The following PDE7B variants were observed in gnomAD, a reference collection of about 807,000 sequenced individuals.
PDE7B encodes the protein 3',5'-cyclic-AMP phosphodiesterase 7B.
In PDE7B, 29 loss-of-function variants were observed where a neutral mutation model predicts 56.2. That is an observed-to-expected ratio of 0.52 (90% CI 0.38 to 0.70). The LOEUF is 0.70. Ranked by LOEUF, PDE7B falls within the 30% of genes least tolerant of loss-of-function variation. The probability of loss-of-function intolerance (pLI) is 0.00; values close to 1 mark genes in which losing one functional copy is unlikely to be tolerated. For missense variants in PDE7B, 490 were observed against 565.0 expected (o/e 0.87, Z 1.35); for synonymous variants, 197 against 196.9 (o/e 1.00, Z 0.00).
intron 3 of PDE7B, among the ~76,000 whole-genome samples, chr6:136,138,477 C>A (rs1047225914): frequency 6.6e-6 from 1 of 152,008 alleles, no homozygotes; most frequent in African/African-American, 2.4e-5. Flanking sequence ...CCCTAAATAA[C>A]ACTCGATAAG....
At chr6:136,187,165 C>A (rs1779157650) in intron 12 of PDE7B, 49 bp downstream of exon 12, 1 of 906,726 alleles carries the variant, frequency 1.1e-6, no homozygotes, top group Non-Finnish European at 1.8e-6. Flanking sequence ...TGGCACATCT[C>A]ACAAAAGTGA....
At chr6:135,907,758 A>G (rs1776141913) in intron 1 of PDE7B, among the ~76,000 whole-genome samples, 1 of 152,192 alleles carries the variant, frequency 6.6e-6, no homozygotes, top group South Asian at 2.1e-4. Context: ...AGATAAAATT[A>G]TAAAACTTAT....
chr6:135,984,343 T>C (rs1775344064), intron 2 of PDE7B, among the ~76,000 whole-genome samples: 1 of 152,196 alleles, frequency 6.6e-6, no homozygotes, highest in Non-Finnish European at 1.5e-5. Flanking sequence ...ATTCAGGCAA[T>C]AGCATGCATC....
intron 1 of PDE7B, among the ~76,000 whole-genome samples, chr6:135,922,090 A>G (rs772792710): frequency 4.6e-5 from 7 of 152,144 alleles, no homozygotes; most frequent in Non-Finnish European, 8.8e-5. Flanking sequence ...CATAAGGTCA[A>G]TCTTGCATCC....
chr6:135,974,271 ATC>A (rs1011224998), intron 2 of PDE7B, among the ~76,000 whole-genome samples: 1 of 151,710 alleles, frequency 6.6e-6, no homozygotes, highest in Non-Finnish European at 1.5e-5. Flanking sequence ...AATTAACCAA[ATC>A]TCTCTGTGTG....
chr6:135,931,071 C>A (rs1774284109), intron 1 of PDE7B, among the ~76,000 whole-genome samples: 1 of 152,160 alleles, frequency 6.6e-6, no homozygotes. Context: ...AGGTTTTCCA[C>A]TTTAAAGGTC....
At chr6:136,190,790 TC>T (rs1248838698) in intron 12 of PDE7B, among the ~76,000 whole-genome samples, 1 of 152,214 alleles carries the variant, frequency 6.6e-6, no homozygotes, top group Admixed American at 6.5e-5. Context: ...AGCTGGACTT[TC>T]ATACAGGTAA....
Position 136,166,587 on chromosome 6 carries a change from C to A in PDE7B, c.712-7210C>A, listed in dbSNP as rs569194433. 2.6e-5 allele frequency among the ~76,000 whole-genome samples: 4 copies of A among 152,088 alleles called. No individual in the cohort carries two copies. In the South Asian group the frequency reaches 8.3e-4, roughly 32 times the overall value. On this transcript the variant is annotated intron_variant, in intron 8 of 12. Coordinates refer to ENST00000308191, the MANE Select transcript of PDE7B (RefSeq NM_018945.4). ...GAGAGAGAGTGAGGGCAAGGTGCTA[C>A]ACACTTTTAAACAAGCAGATCTCAT...
At chr6:136,040,448 C>A (rs1166809820) in intron 2 of PDE7B, among the ~76,000 whole-genome samples, 1 of 152,208 alleles carries the variant, frequency 6.6e-6, no homozygotes, top group African/African-American at 2.4e-5. Context: ...CTCTTACCTT[C>A]TTCCTTACTC....
In PDE7B at chr6:135,925,168, A is replaced by G. The variant is rs111981154; in HGVS notation, c.22-22296A>G. 4.6e-3 allele frequency among the ~76,000 whole-genome samples: 700 copies of G among 152,264 alleles called. 7 individuals carry two copies. The highest frequency in any genetic ancestry group is 0.015 in the African/African-American group (619 of 41,546). Reference sequence around the variant, plus strand: ...AGAAAATTTAATATTTAAAAAATAAATCATTAAAAATACCCAACAAACATT... The same window carrying G: ...AGAAAATTTAATATTTAAAAAATAAGTCATTAAAAATACCCAACAAACATT... On this transcript the variant is annotated intron_variant, in intron 1 of 12. Coordinates refer to ENST00000308191, the MANE Select transcript of PDE7B (RefSeq NM_018945.4).
At chr6:136,075,368 A>G (rs1047661612) in intron 2 of PDE7B, among the ~76,000 whole-genome samples, 4 of 152,214 alleles carry the variant, frequency 2.6e-5, no homozygotes, top group African/African-American at 9.6e-5. Context: ...AAAAAGGAAA[A>G]CATGCTGAAC....
At chr6:136,011,756 C>T (rs184362483) in intron 2 of PDE7B, among the ~76,000 whole-genome samples, 4 of 152,218 alleles carry the variant, frequency 2.6e-5, no homozygotes, top group East Asian at 3.9e-4. Flanking sequence ...AGAGCCTCAT[C>T]GCTGACATTC....
chr6:136,080,489 C>T (rs2128215031), intron 2 of PDE7B, among the ~76,000 whole-genome samples: 1 of 152,296 alleles, frequency 6.6e-6, no homozygotes, highest in East Asian at 1.9e-4. Context: ...AAACTAACAG[C>T]ATGAGAAGAG....
chr6:135,917,615 A>ATTG lies in PDE7B; in HGVS notation c.22-29837_22-29835dup, dbSNP rs576764969. Among the ~76,000 whole-genome samples, 18 of 149,396 alleles carry ATTG rather than the reference A, an allele frequency of 1.2e-4. No homozygotes were observed. The South Asian group carries it at 3.0e-3, about 25-fold the overall frequency. On this transcript the variant is annotated intron_variant, in intron 1 of 12. Coordinates refer to ENST00000308191, the MANE Select transcript of PDE7B (RefSeq NM_018945.4). ...ATTGATTTGTTGTTGTTTTTTTTTT[A>ATTG]TTGTTGTTGTTGTTAGTTAAATTTT...
At chr6:136,048,847 A>G (rs765267925) in intron 2 of PDE7B, among the ~76,000 whole-genome samples, 12 of 152,168 alleles carry the variant, frequency 7.9e-5, no homozygotes, top group Non-Finnish European at 1.8e-4. Context: ...CAACTTACAA[A>G]CCAAATTTCC....
intron 2 of PDE7B, among the ~76,000 whole-genome samples, chr6:136,028,608 C>T (rs1776190480): frequency 1.3e-5 from 2 of 152,158 alleles, no homozygotes; most frequent in Admixed American, 1.3e-4. Flanking sequence ...GAGCCTCCTC[C>T]CATTCCTTGG....
chr6:135,861,606 TCTC>T (rs1414631514), intron 1 of PDE7B, among the ~76,000 whole-genome samples: 9 of 151,244 alleles, frequency 6.0e-5, no homozygotes, highest in Non-Finnish European at 1.3e-4. Flanking sequence ...GTTTTATTCT[TCTC>T]AAGATTGTTT....
chr6:135,910,169 A>T (rs1776187962), intron 1 of PDE7B, among the ~76,000 whole-genome samples: 1 of 152,198 alleles, frequency 6.6e-6, no homozygotes, highest in African/African-American at 2.4e-5. Context: ...AACACAGCTA[A>T]GTTCACCAGG....
chr6:135,981,239 A>T (rs1483823676), intron 2 of PDE7B, among the ~76,000 whole-genome samples: 2 of 141,438 alleles, frequency 1.4e-5, no homozygotes, highest in Non-Finnish European at 3.0e-5. Flanking sequence ...AACAATGAGA[A>T]CACATGGACA....
Sources: allele counts gnomAD v4.1 joint callset (sites outside exome capture counted in the v4.1 genomes callset), GRCh38; gene constraint gnomAD v4.1.1; transcripts MANE v1.5; gene names NCBI Gene and HGNC (gene_info 2026-07-23, HGNC 2026-07-21).